Variants in AUTS2 observed in about 807,000 individuals in gnomAD.
AUTS2 encodes activator of transcription and developmental regulator AUTS2.
In AUTS2, 17 loss-of-function variants were observed where a neutral mutation model predicts 112.4. That is an observed-to-expected ratio of 0.15 (90% confidence interval 0.10 to 0.23). The LOEUF is 0.23. Ranked by LOEUF, AUTS2 falls within the 10% of genes least tolerant of loss-of-function variation. AUTS2 has a pLI of 1.00. For missense variants in AUTS2, 1,510 were observed against 1,701.6 expected, an observed-to-expected ratio of 0.89 and a Z score of 1.98; for synonymous variants, 751 against 702.7, an observed-to-expected ratio of 1.07 and a Z score of -1.09.
chr7:70,003,164 CATATATATTATATGA>C (rs1563029095), intron 2 of AUTS2, among the ~76,000 whole-genome samples: 1 of 128,102 alleles, frequency 7.8e-6, no homozygotes, highest in Non-Finnish European at 1.6e-5. Flanking sequence ...TATATATATT[CATATATATTATATGA>C]ATATATTATA....
chr7:70,701,976 G>A (rs930256002), intron 6 of AUTS2, among the ~76,000 whole-genome samples: 2 of 152,142 alleles, frequency 1.3e-5, no homozygotes, highest in Non-Finnish European at 2.9e-5. Context: ...AAATTCTGGG[G>A]TATTTATTCT....
chr7:69,984,155 C>T (rs984245374), intron 2 of AUTS2, among the ~76,000 whole-genome samples: 2 of 152,112 alleles, frequency 1.3e-5, no homozygotes, highest in South Asian at 2.1e-4. Context: ...CAGTGGCTCA[C>T]GCTTGTAATC....
chr7:70,108,369 C>T (rs193232377), intron 2 of AUTS2, among the ~76,000 whole-genome samples: 402 of 152,150 alleles, frequency 2.6e-3, no homozygotes, highest in Non-Finnish European at 3.8e-3. Context: ...TAGAGAAGAA[C>T]AATGCTTTTT....
intron 4 of AUTS2, among the ~76,000 whole-genome samples, chr7:70,300,802 G>A (rs1220119252): frequency 6.6e-6 from 1 of 152,158 alleles, no homozygotes; most frequent in Non-Finnish European, 1.5e-5. Flanking sequence ...GGGCTTTTGG[G>A]ATGTAGACAC....
At chr7:70,045,498 C>T (rs1801460227) in intron 2 of AUTS2, among the ~76,000 whole-genome samples, 1 of 151,816 alleles carries the variant, frequency 6.6e-6, no homozygotes, top group Non-Finnish European at 1.5e-5. Context: ...TAATTTTATA[C>T]CTATTTTTAC....
intron 4 of AUTS2, among the ~76,000 whole-genome samples, chr7:70,147,811 A>G (rs530234237): frequency 2.0e-4 from 31 of 152,250 alleles, no homozygotes; most frequent in Middle Eastern, 3.4e-3. Flanking sequence ...GGAAAGGATC[A>G]CTGAAAGGAG....
intron 4 of AUTS2, among the ~76,000 whole-genome samples, chr7:70,196,638 G>A (rs1251237711): frequency 2.6e-5 from 4 of 152,204 alleles, no homozygotes; most frequent in Non-Finnish European, 5.9e-5. Context: ...GCACTGATGT[G>A]TATGAAATTA....
Position 69,793,636 on chromosome 7 carries a change from C to A in AUTS2, c.310-105650C>A, listed in dbSNP as rs141635509. Among the ~76,000 whole-genome samples the A allele has an allele frequency of 2.6e-5, 4 of 152,258 alleles. 1 individual carries two copies. In the East Asian group the frequency reaches 7.7e-4, roughly 29 times the overall value. ...GGCAGAGGCTCTCACCTTGGCTGTG[C>A]TTTACAATCACCTGAGAGAATTTTG... is the stretch of plus-strand genomic sequence containing the variant. On this transcript the variant is annotated intron_variant, in intron 1 of 18. Coordinates refer to ENST00000342771, the MANE Select transcript of AUTS2 (RefSeq NM_015570.4).
intron 4 of AUTS2, among the ~76,000 whole-genome samples, chr7:70,397,067 AT>A (rs35330696): frequency 0.25 from 35,282 of 143,298 alleles, 4,098 homozygotes; most frequent in Non-Finnish European, 0.26. Context: ...TTCTTTTATT[AT>A]TTTTTTTTTT....
intron 4 of AUTS2, among the ~76,000 whole-genome samples, chr7:70,218,769 T>C (rs1234347956): frequency 6.6e-6 from 1 of 152,182 alleles, no homozygotes; most frequent in Non-Finnish European, 1.5e-5. Flanking sequence ...GGTTGCTCTT[T>C]TACCAAACAT....
intron 1 of AUTS2, among the ~76,000 whole-genome samples, chr7:69,812,760 C>T (rs1234572890): frequency 6.6e-6 from 1 of 151,978 alleles, no homozygotes; most frequent in African/African-American, 2.4e-5. Flanking sequence ...CTACTTTTGT[C>T]AGTATTAGTT....
intron 2 of AUTS2, among the ~76,000 whole-genome samples, chr7:69,951,275 T>C (rs1380452015): frequency 6.6e-6 from 1 of 152,140 alleles, no homozygotes; most frequent in Non-Finnish European, 1.5e-5. Flanking sequence ...CAACCACTGG[T>C]CCACTCTTGA....
At chr7:70,258,780 A>G (rs1365403352) in intron 4 of AUTS2, among the ~76,000 whole-genome samples, 1 of 152,218 alleles carries the variant, frequency 6.6e-6, no homozygotes, top group Non-Finnish European at 1.5e-5. Context: ...AAAAGTGACT[A>G]GAAACCCTTG....
intron 4 of AUTS2, among the ~76,000 whole-genome samples, chr7:70,398,359 G>A (rs1250457460): frequency 1.3e-5 from 2 of 152,132 alleles, no homozygotes; most frequent in African/African-American, 4.8e-5. Flanking sequence ...ATACCTTATT[G>A]AGTCAAACCA....
chr7:69,642,734 A>G (rs1240134600), intron 1 of AUTS2, among the ~76,000 whole-genome samples: 3 of 152,158 alleles, frequency 2.0e-5, no homozygotes, highest in African/African-American at 4.8e-5. Context: ...ATTAACAAAT[A>G]TACCCACCCC....
intron 4 of AUTS2, among the ~76,000 whole-genome samples, chr7:70,318,365 G>T (rs1428326252): frequency 6.6e-6 from 1 of 152,106 alleles, no homozygotes; most frequent in Non-Finnish European, 1.5e-5. Context: ...GGAAAGTCCA[G>T]GGAGAGTTAA....
intron 4 of AUTS2, among the ~76,000 whole-genome samples, chr7:70,303,424 G>GCA (rs1789321147): frequency 8.0e-6 from 1 of 124,422 alleles, no homozygotes; most frequent in Non-Finnish European, 1.7e-5. Context: ...ACACACACAC[G>GCA]CGCGCGCGCG....
At chr7:69,806,197 CTTTTTTTTTTTT>C (rs56704400) in intron 1 of AUTS2, among the ~76,000 whole-genome samples, 951 of 55,048 alleles carry the variant, frequency 0.017, 17 homozygotes, top group Non-Finnish European at 0.02. Context: ...CCAGCCAAGG[CTTTTTTTTTTTT>C]TTTTTTTTTT....
At position 70,790,198 on chromosome 7, in the gene AUTS2, A is replaced by G; in HGVS notation, c.2982A>G (p.Pro994=). ...GGAAGGAAGACCATGACCTGCCTCC[A>G]GAGGCCCCGCAGACCCACCGGGCCT... ...EERKEDHDLP[P]EAPQTHRASE... The change falls in exon 19 of 19, where the codon CCA becomes CCG. Residue 994 remains proline (P), a synonymous_variant. Transcript: ENST00000342771. The surrounding 1 kb of genome is among the most constrained non-coding windows in gnomAD (Gnocchi z 7.6). 6.2e-7 allele frequency: 1 copy of G among 1,612,554 alleles called. No homozygotes were observed. The highest frequency in any genetic ancestry group is 8.5e-7 in the Non-Finnish European group (1 of 1,179,766).
Sources: allele counts gnomAD v4.1 joint callset (sites outside exome capture counted in the v4.1 genomes callset), GRCh38; gene constraint gnomAD v4.1.1; non-coding constraint Gnocchi (gnomAD v3.1); transcripts MANE v1.5; gene names NCBI Gene and HGNC (gene_info 2026-07-23, HGNC 2026-07-21).